CHMP2B: variants seen among roughly 807,000 people sequenced by gnomAD.
CHMP2B encodes VPS2 homolog B.
CHMP2B carries 22 observed loss-of-function variants against 29.8 expected under a neutral mutation model. That is an observed-to-expected ratio of 0.74 (90% CI 0.53 to 1.05). CHMP2B has a LOEUF of 1.05. Among genes scored for constraint, CHMP2B ranks in the 50% least tolerant of loss-of-function variants. The pLI, the probability that CHMP2B is intolerant of heterozygous loss-of-function variation, is 0.00. For missense variants in CHMP2B, 261 were observed against 252.2 expected (o/e 1.03, Z -0.24); for synonymous variants, 78 against 75.8 (o/e 1.03, Z -0.15).
At chr3:87,236,536 A>T (rs540380393) in intron 1 of CHMP2B, among the ~76,000 whole-genome samples, 5 of 152,052 alleles carry the variant, frequency 3.3e-5, no homozygotes, top group African/African-American at 1.2e-4. Flanking sequence ...CTTTCTGAGC[A>T]GTATTGTTGT....
chr3:87,231,325 C>A (rs1451317172), intron 1 of CHMP2B, among the ~76,000 whole-genome samples: 1 of 152,178 alleles, frequency 6.6e-6, no homozygotes, highest in East Asian at 1.9e-4. Context: ...CTTCTACCAT[C>A]AACTAATTAC....
intron 1 of CHMP2B, among the ~76,000 whole-genome samples, chr3:87,231,110 C>T (rs1007598221): frequency 2.0e-5 from 3 of 152,022 alleles, no homozygotes; most frequent in Non-Finnish European, 4.4e-5. Context: ...CTTATTTACT[C>T]CTATTTTAAT....
In CHMP2B at chr3:87,240,776, CAAG is replaced by C. The variant is rs769631869; in HGVS notation, c.115_117del (p.Glu39del). ...CAGAGATCGAGCAGCTTTAGAGAAACAAGAAAAACAGCTGGTAAGTAGAACGTT... is the reference window on the plus strand; with the variant it reads ...CAGAGATCGAGCAGCTTTAGAGAAACAAAAACAGCTGGTAAGTAGAACGTT... On this transcript the variant is annotated inframe_deletion, in exon 2 of 6. Coordinates refer to ENST00000263780, the MANE Select transcript of CHMP2B (RefSeq NM_014043.4). The C allele has an allele frequency of 2.5e-6, 4 of 1,612,160 alleles. No homozygotes were observed. In the South Asian group the frequency reaches 4.4e-5, roughly 18 times the overall value.
intron 1 of CHMP2B, among the ~76,000 whole-genome samples, chr3:87,235,638 C>G (rs1377968010): frequency 6.6e-6 from 1 of 151,982 alleles, no homozygotes; most frequent in Non-Finnish European, 1.5e-5. Flanking sequence ...AATTAAATTA[C>G]ATGTTTTGTT....
chr3:87,235,638 CAT>C (rs1297959759), intron 1 of CHMP2B, among the ~76,000 whole-genome samples: 1 of 151,982 alleles, frequency 6.6e-6, no homozygotes, highest in Non-Finnish European at 1.5e-5. Flanking sequence ...AATTAAATTA[CAT>C]GTTTTGTTGA....
intron 1 of CHMP2B, among the ~76,000 whole-genome samples, chr3:87,236,456 C>T (rs183216871): frequency 4.8e-4 from 73 of 152,214 alleles, no homozygotes; most frequent in African/African-American, 1.6e-3. Flanking sequence ...TAGATCTTAA[C>T]TTTCAGCAGT....
intron 4 of CHMP2B, 118 bp from the exon 5 acceptor site, chr3:87,253,286 G>C (rs747409983): frequency 7.1e-5 from 49 of 691,806 alleles, no homozygotes; most frequent in Non-Finnish European, 1.2e-4. Context: ...TTTTTAGTTT[G>C]TTCACTGAGT....
intron 2 of CHMP2B, among the ~76,000 whole-genome samples, chr3:87,241,784 G>C (rs1396976201): frequency 6.6e-6 from 1 of 152,110 alleles, no homozygotes; most frequent in African/African-American, 2.4e-5. Context: ...CAAAGTTTTT[G>C]TGAACATGGT....
At chr3:87,253,531 T>C (rs1706351600) in intron 5 of CHMP2B, 21 bp downstream of exon 5, 1 of 1,483,944 alleles carries the variant, frequency 6.7e-7, no homozygotes, top group Non-Finnish European at 9.4e-7. Context: ...CATCTTTTCT[T>C]AGTTGGAAAT....
At chr3:87,239,310 G>T in intron 1 of CHMP2B, among the ~76,000 whole-genome samples, 1 of 151,140 alleles carries the variant, frequency 6.6e-6, no homozygotes. Context: ...TGTTCTTTAT[G>T]CTTTTAATGT....
Position 87,249,944 on chromosome 3 carries a change from G to C in CHMP2B, c.391G>C (p.Glu131Gln). ...TLQTMQNFQK[E>Q]NMKMEMTEEM... is the part of the protein sequence containing the mutation. The stretch of plus-strand genomic sequence containing the variant: ...ACAAACAATGCAGAATTTCCAGAAG[G>C]AAAACATGAAAATGGAAATGACTGA... The change falls in exon 4 of 6, where the codon GAA (glutamate) becomes CAA (glutamine). Residue 131 changes from glutamate (E) to glutamine (Q), a missense_variant. Transcript: ENST00000263780. 6.3e-7 allele frequency: 1 copy of C among 1,598,836 alleles called. No homozygotes were observed. The highest frequency in any genetic ancestry group is 8.6e-7 in the Non-Finnish European group (1 of 1,169,110).
intron 1 of CHMP2B, 107 bp downstream of exon 1, chr3:87,227,663 C>A: frequency 1.4e-6 from 2 of 1,451,656 alleles, no homozygotes; most frequent in Non-Finnish European, 1.9e-6. Flanking sequence ...GGGGCTGGAT[C>A]AAGTGGTCCC....
chr3:87,254,049 A>G lies in CHMP2B; in HGVS notation c.*227A>G. On this transcript the variant is annotated 3_prime_UTR_variant, in exon 6 of 6. Coordinates refer to ENST00000263780, the MANE Select transcript of CHMP2B (RefSeq NM_014043.4). Reference sequence around the variant, plus strand: ...TTTTAATTAGAACTGTTTAGGAGTGATGATGTGTAAAAAGTTGACTTCTCT... The same window carrying G: ...TTTTAATTAGAACTGTTTAGGAGTGGTGATGTGTAAAAAGTTGACTTCTCT... 1 of 420,562 alleles carries G rather than the reference A, an allele frequency of 2.4e-6. No homozygotes were observed. Among genetic ancestry groups the G allele is most frequent in the Non-Finnish European group, 4.4e-6 (1 of 228,750 alleles). 26.1% of individuals were successfully genotyped at this position (420,562 alleles called of 1,614,324 possible).
At chr3:87,230,679 T>C (rs1030768220) in intron 1 of CHMP2B, among the ~76,000 whole-genome samples, 6 of 152,198 alleles carry the variant, frequency 3.9e-5, no homozygotes, top group African/African-American at 1.2e-4. Flanking sequence ...GGCCAGTTTC[T>C]TTTTGCTTTT....
chr3:87,249,930 A>G lies in CHMP2B; in HGVS notation c.377A>G (p.Gln126Arg). ...CCACAAAAGACATTACAAACAATGC[A>G]GAATTTCCAGAAGGAAAACATGAAA... ...MDPQKTLQTM[Q>R]NFQKENMKME... The change falls in exon 4 of 6, where the codon CAG becomes CGG. Residue 126 changes from glutamine (Q) to arginine (R), a missense_variant. Gln to Arg is a conservative substitution (Grantham distance 43, BLOSUM62 1). Coordinates refer to ENST00000263780, the MANE Select transcript of CHMP2B (RefSeq NM_014043.4). 1.2e-6 allele frequency: 2 copies of G among 1,605,940 alleles called. No homozygotes were observed. Among genetic ancestry groups the G allele is most frequent in the Non-Finnish European group, 1.7e-6 (2 of 1,174,458 alleles).
intron 1 of CHMP2B, among the ~76,000 whole-genome samples, chr3:87,230,590 A>G (rs1399908004): frequency 6.6e-6 from 1 of 152,156 alleles, no homozygotes; most frequent in African/African-American, 2.4e-5. Flanking sequence ...TAGTGGTAGA[A>G]CTTTACTTTC....
At chr3:87,242,747 GT>G (rs1219603213) in intron 2 of CHMP2B, among the ~76,000 whole-genome samples, 2 of 152,064 alleles carry the variant, frequency 1.3e-5, no homozygotes, top group African/African-American at 4.8e-5. Context: ...TGGAAAATCA[GT>G]TGTCCAAACG....
chr3:87,230,192 C>G (rs867447015), intron 1 of CHMP2B, among the ~76,000 whole-genome samples: 5 of 152,248 alleles, frequency 3.3e-5, no homozygotes, highest in Middle Eastern at 3.4e-3. Context: ...CACAAATGCA[C>G]AACTAAACAT....
intron 1 of CHMP2B, among the ~76,000 whole-genome samples, chr3:87,237,823 A>G (rs1444020738): frequency 6.6e-6 from 1 of 152,128 alleles, no homozygotes; most frequent in African/African-American, 2.4e-5. Flanking sequence ...AATGAAATGT[A>G]TGTTTCCCAT....
Sources: allele counts gnomAD v4.1 joint callset (sites outside exome capture counted in the v4.1 genomes callset), GRCh38; gene constraint gnomAD v4.1.1; transcripts MANE v1.5; gene names NCBI Gene and HGNC (gene_info 2026-07-23, HGNC 2026-07-21).